PHKB: variants seen among roughly 807,000 people sequenced by gnomAD.
PHKB encodes the protein phosphorylase kinase regulatory subunit beta.
A neutral mutation model predicts 152.1 loss-of-function variants in PHKB; 122 were observed. The observed-to-expected ratio is 0.80, with a 90% CI of 0.69 to 0.93. PHKB has a LOEUF of 0.93. PHKB is among the 40% of genes least tolerant of loss of function. PHKB has a pLI of 0.00. For missense variants in PHKB, 1,304 were observed against 1,328.4 expected (o/e 0.98, Z 0.29); for synonymous variants, 436 against 464.9 (o/e 0.94, Z 0.80).
At chr16:47,586,349 G>A (rs1294762475) in intron 8 of PHKB, among the ~76,000 whole-genome samples, 1 of 152,182 alleles carries the variant, frequency 6.6e-6, no homozygotes, top group African/African-American at 2.4e-5. Context: ...CAGTAGAGAT[G>A]GGAGGTTGGA....
chr16:47,592,562 T>C (rs1285155485), intron 10 of PHKB, among the ~76,000 whole-genome samples: 1 of 152,252 alleles, frequency 6.6e-6, no homozygotes, highest in Non-Finnish European at 1.5e-5. Flanking sequence ...AAACATCTCC[T>C]TTCCTGTAAA....
intron 14 of PHKB, among the ~76,000 whole-genome samples, chr16:47,636,928 T>A (rs1972931426): frequency 1.3e-5 from 2 of 152,258 alleles, no homozygotes; most frequent in African/African-American, 2.4e-5. Context: ...CTGTGCTTTT[T>A]CCGGGCCCAC....
intron 1 of PHKB, among the ~76,000 whole-genome samples, chr16:47,472,484 A>G (rs950564273): frequency 3.3e-5 from 5 of 152,002 alleles, no homozygotes; most frequent in African/African-American, 9.7e-5. Flanking sequence ...CCATCTCTAC[A>G]AAAAATACAA....
At chr16:47,665,584 T>C (rs943772988) in intron 25 of PHKB, 5 of 342,478 alleles carry the variant, frequency 1.5e-5, no homozygotes, top group African/African-American at 1.1e-4. Flanking sequence ...GATTTAGTAA[T>C]GAACTTGTTA....
chr16:47,472,787 A>G (rs1408011684), intron 1 of PHKB, among the ~76,000 whole-genome samples: 2 of 151,564 alleles, frequency 1.3e-5, no homozygotes, highest in African/African-American at 2.4e-5. Flanking sequence ...ATCTCAAAAA[A>G]AAAACAAAAA....
intron 7 of PHKB, among the ~76,000 whole-genome samples, chr16:47,572,427 A>G (rs566735615): frequency 6.6e-6 from 1 of 152,256 alleles, no homozygotes; most frequent in South Asian, 2.1e-4. Context: ...GGATGTGACT[A>G]TTTATTTATG....
intron 24 of PHKB, 199 bp downstream of exon 24, chr16:47,663,933 GAC>G: frequency 1.6e-6 from 1 of 620,188 alleles, no homozygotes; most frequent in Non-Finnish European, 2.9e-6. Flanking sequence ...TGAGAACAAA[GAC>G]ACTGTAGGGA....
At chr16:47,627,242 C>T (rs1972727337) in intron 14 of PHKB, among the ~76,000 whole-genome samples, 1 of 152,172 alleles carries the variant, frequency 6.6e-6, no homozygotes, top group South Asian at 2.1e-4. Flanking sequence ...ATTTGTTCTT[C>T]CCCTTTGTCA....
In PHKB at chr16:47,660,798, C is replaced by A. The variant is rs17853186; in HGVS notation, c.2175C>A (p.His725Gln). Residue 725 changes from histidine (H) to glutamine (Q), a missense_variant, in exon 22 of 31, where the codon CAC becomes CAA. Physicochemically the swap from His to Gln is conservative, Grantham distance 24. Transcript: ENST00000323584. Reference protein sequence around the residue: ...NISEWKDKPTHEILQKLNDCS... With the variant: ...NISEWKDKPTQEILQKLNDCS... ...GTGAATGGAAGGACAAACCCACCCA[C>A]GAAATTCTTCAAAAACTGAATGTGA... 1.1e-5 allele frequency: 17 copies of A among 1,613,846 alleles called. No homozygotes were observed. Among genetic ancestry groups the A allele is most frequent in the East Asian group, 4.5e-5 (2 of 44,872 alleles).
At chr16:47,624,582 C>T (rs1183079420) in intron 14 of PHKB, among the ~76,000 whole-genome samples, 1 of 152,224 alleles carries the variant, frequency 6.6e-6, no homozygotes, top group Non-Finnish European at 1.5e-5. Context: ...TATCCCCAGG[C>T]ATTAACTCAC....
At chr16:47,695,380 TG>T (rs1261292047) in intron 28 of PHKB, among the ~76,000 whole-genome samples, 1 of 152,244 alleles carries the variant, frequency 6.6e-6, no homozygotes, top group Non-Finnish European at 1.5e-5. Flanking sequence ...TGTTTAGCAA[TG>T]GGGCTTTATT....
At chr16:47,697,222 G>A (rs1020628245) in intron 29 of PHKB, among the ~76,000 whole-genome samples, 1 of 152,122 alleles carries the variant, frequency 6.6e-6, no homozygotes, top group African/African-American at 2.4e-5. Flanking sequence ...TTATTGCTAC[G>A]GAAGCTCTGT....
chr16:47,566,288 A>C (rs1971565449), intron 7 of PHKB: 5 of 980,098 alleles, frequency 5.1e-6, no homozygotes, highest in Non-Finnish European at 6.6e-6. Context: ...TGTCTGTGGC[A>C]GGACGAGCCC....
chr16:47,567,625 C>T (rs60763291), intron 7 of PHKB, among the ~76,000 whole-genome samples: 275 of 152,172 alleles, frequency 1.8e-3, no homozygotes, highest in African/African-American at 5.8e-3. Flanking sequence ...AGTTCTTAGG[C>T]GGAAAGGCTT....
At chr16:47,650,060 G>A (rs1222808772) in intron 18 of PHKB, among the ~76,000 whole-genome samples, 4 of 152,150 alleles carry the variant, frequency 2.6e-5, no homozygotes, top group African/African-American at 4.8e-5. Flanking sequence ...TAATCTTCTG[G>A]ACGGCTGGCA....
chr16:47,463,970 C>A (rs747588419), intron 1 of PHKB: 1 of 1,613,300 alleles, frequency 6.2e-7, no homozygotes, highest in African/African-American at 1.3e-5. Flanking sequence ...GTCGTCTCTC[C>A]GTCTTCCGCT....
At position 47,650,411 on chromosome 16, in the gene PHKB, C is replaced by T. The variant is rs567744060; in HGVS notation, c.1798-133C>T. 352 of 695,632 alleles carry T rather than the reference C, an allele frequency of 5.1e-4. No homozygotes were observed. In the African/African-American group the frequency reaches 5.1e-3, roughly 10 times the overall value. 43.1% of individuals were successfully genotyped at this position (695,632 alleles called of 1,614,324 possible). A position where few individuals can be genotyped will look rare whatever the true frequency, so the allele number is the denominator to read the frequency against. On this transcript the variant is annotated intron_variant, in intron 18 of 30. Transcript: ENST00000323584. ...TAGAGTACTTCTACCCCTAAGTAGT[C>T]TAAGTTATTCAGGGTTGGATTGTGA...
intron 20 of PHKB, among the ~76,000 whole-genome samples, chr16:47,660,138 G>A (rs993094917): frequency 3.3e-5 from 5 of 152,058 alleles, no homozygotes; most frequent in South Asian, 2.1e-4. Flanking sequence ...CTGGGATTAC[G>A]GGCATGAGCC....
At chr16:47,470,482 T>C (rs561885128) in intron 1 of PHKB, among the ~76,000 whole-genome samples, 1 of 152,376 alleles carries the variant, frequency 6.6e-6, no homozygotes, top group African/African-American at 2.4e-5. Flanking sequence ...GTGGGCGTTA[T>C]GGCCATCATG....
Sources: allele counts gnomAD v4.1 joint callset (sites outside exome capture counted in the v4.1 genomes callset), GRCh38; gene constraint gnomAD v4.1.1; transcripts MANE v1.5; gene names NCBI Gene and HGNC (gene_info 2026-07-23, HGNC 2026-07-21).